Variants in GRK2 observed in about 807,000 individuals in gnomAD.
The protein encoded by GRK2 is G protein-coupled receptor kinase 2.
GRK2 carries 23 observed loss-of-function variants against 97.8 expected under a neutral mutation model. That is an observed-to-expected ratio of 0.24 (90% CI 0.17 to 0.33). The LOEUF (loss-of-function observed/expected upper bound fraction) is 0.33. GRK2 is among the 10% of genes least tolerant of loss of function. The probability of loss-of-function intolerance (pLI) is 1.00; values close to 1 mark genes in which losing one functional copy is unlikely to be tolerated. For synonymous variants in GRK2, 425 were observed against 381.7 expected (o/e 1.11, Z -1.32); for missense variants, 633 against 956.9 (o/e 0.66, Z 4.47).
chr11:67,281,007 G>C lies in GRK2; in HGVS notation c.556-86G>C. Reference sequence around the variant, plus strand: ...GACATGGGTATGGGGACCCTGGCATGGGGCCAGCCCCTGCTGCCCAGGTGC... The same window carrying C: ...GACATGGGTATGGGGACCCTGGCATCGGGCCAGCCCCTGCTGCCCAGGTGC... On this transcript the variant is annotated intron_variant, in intron 7 of 20. Coordinates refer to ENST00000308595, the MANE Select transcript of GRK2 (RefSeq NM_001619.5). This position sits in a 1 kb window ranked among gnomAD's most constrained non-coding sequence, Gnocchi z 5.7. The C allele has an allele frequency of 7.8e-7, 1 of 1,281,944 alleles. No homozygotes were observed. Among genetic ancestry groups the C allele is most frequent in the Admixed American group, 2.0e-5 (1 of 50,434 alleles). The allele number at this position is 1,281,944 out of a possible 1,614,324, so 79.4% of individuals were successfully genotyped here.
Position 67,286,172 on chromosome 11 carries a change from G to T in GRK2, c.*722G>T, listed in dbSNP as rs376630250. On this transcript the variant is annotated 3_prime_UTR_variant, in exon 21 of 21. Transcript: ENST00000308595. ...CTGCAGGTTGGGCCATACTGGCCTC[G>T]CCTGGCCTGAGGTCTCGCTGATGCT... 1.1e-5 allele frequency: 6 copies of T among 526,152 alleles called. No homozygotes were observed. Among genetic ancestry groups the T allele is most frequent in the Admixed American group, 3.8e-5 (1 of 26,374 alleles). 32.6% of individuals were successfully genotyped at this position (526,152 alleles called of 1,614,324 possible).
In GRK2 at chr11:67,280,829, T is replaced by C. The variant is rs965926781; in HGVS notation, c.555+46T>C. The stretch of plus-strand genomic sequence containing the variant: ...CATGGAAAGCCACGCACCCTGCTGC[T>C]CCTCTCCCGGGAGCTGGGCCTGTGG... On this transcript the variant is annotated intron_variant, in intron 7 of 20. Transcript: ENST00000308595. 6 of 1,605,672 alleles carry C rather than the reference T, an allele frequency of 3.7e-6. No individual in the cohort carries two copies. The African/African-American group carries it at 8.0e-5, about 21-fold the overall frequency.
At chr11:67,284,118 C>T (rs1590855653) in intron 17 of GRK2, 93 bp from the exon 18 acceptor site, 1 of 1,538,544 alleles carries the variant, frequency 6.5e-7, no homozygotes, top group East Asian at 2.3e-5. Flanking sequence ...CTGACCATCC[C>T]TACCCAGGGC....
At position 67,281,957 on chromosome 11, in the gene GRK2, G is replaced by A; in HGVS notation, c.957+5G>A. ...GTGGTCTACCGGGACCTGAAGGTGAGCGCCCCTGCTGTCCCCAGGCTGGAC... is the reference window on the plus strand; with the variant it reads ...GTGGTCTACCGGGACCTGAAGGTGAACGCCCCTGCTGTCCCCAGGCTGGAC... On this transcript the variant is annotated splice_donor_5th_base_variant and intron_variant, in intron 11 of 20. Transcript: ENST00000308595. The surrounding 1 kb of genome is among the most constrained non-coding windows in gnomAD (Gnocchi z 5.7). 1.9e-6 allele frequency: 3 copies of A among 1,613,234 alleles called. No homozygotes were observed. The highest frequency in any genetic ancestry group is 2.2e-5 in the East Asian group (1 of 44,870).
At position 67,282,856 on chromosome 11, in the gene GRK2, G is replaced by T; in HGVS notation, c.1227+38G>T. 1.3e-6 allele frequency: 2 copies of T among 1,583,952 alleles called. No homozygotes were observed. Among genetic ancestry groups the T allele is most frequent in the Non-Finnish European group, 1.7e-6 (2 of 1,167,524 alleles). On this transcript the variant is annotated intron_variant, in intron 14 of 20. Transcript: ENST00000308595. The surrounding 1 kb of genome is among the most constrained non-coding windows in gnomAD (Gnocchi z 6.9). The stretch of plus-strand genomic sequence containing the variant: ...CTCAGTGCAGGGCCGCAGGGGGCTG[G>T]GGGGAGCTCCTGTGGGTGCCAGGCC...
Position 67,279,657 on chromosome 11 carries a change from A to C in GRK2, c.398A>C (p.Gln133Pro). 1 of 1,613,538 alleles carries C rather than the reference A, an allele frequency of 6.2e-7. No homozygotes were observed. Among genetic ancestry groups the C allele is most frequent in the Non-Finnish European group, 8.5e-7 (1 of 1,179,994 alleles). ...TCGAAGAGTGCCACTGAGCATGTCCAAGGCCACCTGGGGAAGAAGCAGGTG... is the reference window on the plus strand; with the variant it reads ...TCGAAGAGTGCCACTGAGCATGTCCCAGGCCACCTGGGGAAGAAGCAGGTG... ...PFSKSATEHV[Q>P]GHLGKKQVPP... The change falls in exon 5 of 21, where the codon CAA becomes CCA. Residue 133 changes from glutamine to proline, a missense_variant. Transcript: ENST00000308595.
chr11:67,267,273 T>G (rs79069294), intron 1 of GRK2, among the ~76,000 whole-genome samples: 4,526 of 152,334 alleles, frequency 0.03, 93 homozygotes, highest in African/African-American at 0.063. Flanking sequence ...ACCCTTTTGC[T>G]GTCCCTGCTC....
intron 2 of GRK2, among the ~76,000 whole-genome samples, chr11:67,278,306 C>G (rs1363286621): frequency 6.6e-6 from 1 of 152,208 alleles, no homozygotes; most frequent in Non-Finnish European, 1.5e-5. Context: ...CCTGGTTACC[C>G]GTGTCAGACT....
chr11:67,284,840 G>T lies in GRK2; in HGVS notation c.1655-7G>T, dbSNP rs780805559. On this transcript the variant is annotated splice_region_variant and splice_polypyrimidine_tract_variant and intron_variant, in intron 18 of 20. Transcript: ENST00000308595. ...GCCGGCTGAGTCTCCTCTGTCTCTC[G>T]CCTCAGACTACGCCCTGGGCAAGGA... The T allele has an allele frequency of 1.2e-6, 2 of 1,611,634 alleles. No individual in the cohort carries two copies. Among genetic ancestry groups the T allele is most frequent in the Non-Finnish European group, 1.7e-6 (2 of 1,179,656 alleles).
Position 67,266,602 on chromosome 11 carries a change from G to A in GRK2, c.-98G>A, listed in dbSNP as rs1223818319. 2 of 373,598 alleles carry A rather than the reference G, an allele frequency of 5.4e-6. No individual in the cohort carries two copies. Among genetic ancestry groups the A allele is most frequent in the Non-Finnish European group, 7.2e-6 (2 of 275,972 alleles). 23.1% of individuals were successfully genotyped at this position (373,598 alleles called of 1,614,324 possible). On this transcript the variant is annotated 5_prime_UTR_variant, in exon 1 of 21. Coordinates refer to ENST00000308595, the MANE Select transcript of GRK2 (RefSeq NM_001619.5). ...GGCCAGGCGGGAGGCGTCGGCGCCC[G>A]AGGCCGAGCGAGCCGCGGCCGGGCC...
At chr11:67,267,978 A>G (rs1421450637) in intron 1 of GRK2, among the ~76,000 whole-genome samples, 2 of 152,220 alleles carry the variant, frequency 1.3e-5, no homozygotes, top group African/African-American at 4.8e-5. Flanking sequence ...CGTGCCCGCC[A>G]CGATTCTTTG....
chr11:67,276,965 A>G lies in GRK2; in HGVS notation c.114-307A>G. The G allele has an allele frequency of 3.7e-6, 1 of 267,522 alleles. No homozygotes were observed. The highest frequency in any genetic ancestry group is 7.2e-6 in the Non-Finnish European group (1 of 139,406). The allele number at this position is 267,522 out of a possible 1,614,324, so 16.6% of individuals were successfully genotyped here. On this transcript the variant is annotated intron_variant, in intron 1 of 20. Coordinates refer to ENST00000308595, the MANE Select transcript of GRK2 (RefSeq NM_001619.5). This position sits in a 1 kb window ranked among gnomAD's most constrained non-coding sequence, Gnocchi z 4.2. ...AGGCTTGGCTTTTGTGACTTGGCCA[A>G]GTTCCCAAAGCCAGCCGGTGGCATC...
intron 2 of GRK2, among the ~76,000 whole-genome samples, chr11:67,277,952 G>A (rs1391183403): frequency 1.3e-5 from 2 of 152,246 alleles, no homozygotes; most frequent in Non-Finnish European, 2.9e-5. Flanking sequence ...TGGACAGGGG[G>A]TATCCTGGCC....
Position 67,283,141 on chromosome 11 carries a change from C to G in GRK2, c.1241C>G (p.Pro414Arg). The part of the protein sequence containing the change: ...RMTLTMAVEL[P>R]DSFSPELRSL... ...TCCTCTCTAAAGGCCGTGGAGCTGC[C>G]CGACTCCTTCTCCCCTGAACTACGC... The change falls in exon 15 of 21, where the codon CCC becomes CGC. Residue 414 changes from proline to arginine, a missense_variant. Physicochemically the swap from Pro to Arg is moderately radical, Grantham distance 103 (BLOSUM62 -2). Transcript: ENST00000308595. 2 of 1,613,940 alleles carry G rather than the reference C, an allele frequency of 1.2e-6. No homozygotes were observed. The highest frequency in any genetic ancestry group is 1.7e-6 in the Non-Finnish European group (2 of 1,179,956).
At position 67,285,849 on chromosome 11, in the gene GRK2, T is replaced by C. The variant is rs1860268697; in HGVS notation, c.*399T>C. 2 of 232,466 alleles carry C rather than the reference T, an allele frequency of 8.6e-6. No homozygotes were observed. The highest frequency in any genetic ancestry group is 1.6e-4 in the South Asian group (2 of 12,492). 14.4% of individuals were successfully genotyped at this position (232,466 alleles called of 1,614,324 possible). On this transcript the variant is annotated 3_prime_UTR_variant, in exon 21 of 21. Transcript: ENST00000308595. ...ACAGCACAGGGATCCGACTTGAATT[T>C]TCCCACTGCACCCCCTCCTGCTGCA...
Position 67,282,197 on chromosome 11 carries a change from G to T in GRK2, c.958-74G>T. 6.9e-7 allele frequency: 1 copy of T among 1,452,678 alleles called. No homozygotes were observed. The highest frequency in any genetic ancestry group is 1.2e-5 in the South Asian group (1 of 85,492). The allele number at this position is 1,452,678 out of a possible 1,614,324, so 90.0% of individuals were successfully genotyped here. On this transcript the variant is annotated intron_variant, in intron 11 of 20. Coordinates refer to ENST00000308595, the MANE Select transcript of GRK2 (RefSeq NM_001619.5). This position sits in a 1 kb window ranked among gnomAD's most constrained non-coding sequence, Gnocchi z 6.9. ...CCATCGTCCTCTCCAGTGAAGCAGT[G>T]ACCCAGCTGGCATCTTGCCTGGCTG... is the stretch of plus-strand genomic sequence containing the variant.
chr11:67,279,910 G>C lies in GRK2; in HGVS notation c.503+10G>C, dbSNP rs1369415871. 3 of 1,613,600 alleles carry C rather than the reference G, an allele frequency of 1.9e-6. No individual in the cohort carries two copies. The highest frequency in any genetic ancestry group is 1.1e-5 in the South Asian group (1 of 91,068). On this transcript the variant is annotated intron_variant, in intron 6 of 20. Transcript: ENST00000308595. ...AGAAATTCATTGAGAGGTGAGAGCAGGGAAGTGTGGGAGAGGAAGGGGGAG... is the reference window on the plus strand; with the variant it reads ...AGAAATTCATTGAGAGGTGAGAGCACGGAAGTGTGGGAGAGGAAGGGGGAG...
Position 67,281,357 on chromosome 11 carries a change from A to G in GRK2, c.648-102A>G. On this transcript the variant is annotated intron_variant, in intron 8 of 20. Coordinates refer to ENST00000308595, the MANE Select transcript of GRK2 (RefSeq NM_001619.5). The surrounding 1 kb of genome is among the most constrained non-coding windows in gnomAD (Gnocchi z 5.7). ...GCCCTCCCTGTCTCTGATTTGTGTC[A>G]CACGCTGGTCCTGGGTCTAGTCTTT... The G allele has an allele frequency of 6.7e-6, 8 of 1,202,374 alleles. No individual in the cohort carries two copies. The highest frequency in any genetic ancestry group is 9.7e-6 in the Non-Finnish European group (8 of 828,336). 74.5% of individuals were successfully genotyped at this position (1,202,374 alleles called of 1,614,324 possible). A position where few individuals can be genotyped will look rare whatever the true frequency, so the allele number is the denominator to read the frequency against.
Position 67,266,774 on chromosome 11 carries a change from C to A in GRK2, c.75C>A (p.Ala25=). The A allele has an allele frequency of 7.3e-7, 1 of 1,367,094 alleles. No individual in the cohort carries two copies. Among genetic ancestry groups the A allele is most frequent in the Admixed American group, 2.6e-5 (1 of 38,644 alleles). 84.7% of individuals were successfully genotyped at this position (1,367,094 alleles called of 1,614,324 possible). The part of the protein sequence containing the change: ...MAMEKSKATP[A]ARASKKILLP... Reference sequence around the variant, plus strand: ...TGGAGAAGAGCAAGGCCACGCCGGCCGCGCGCGCCAGCAAGAAGATCCTGC... The same window carrying A: ...TGGAGAAGAGCAAGGCCACGCCGGCAGCGCGCGCCAGCAAGAAGATCCTGC... The change falls in exon 1 of 21, where the codon GCC becomes GCA. Residue 25 remains alanine, a synonymous_variant. Coordinates refer to ENST00000308595, the MANE Select transcript of GRK2 (RefSeq NM_001619.5).
Sources: gnomAD v4.1 joint callset for allele counts (sites outside exome capture counted in the v4.1 genomes callset) on GRCh38, gnomAD v4.1.1 for gene constraint, Gnocchi (gnomAD v3.1) non-coding constraint, MANE v1.5 for transcripts, NCBI Gene and HGNC (gene_info 2026-07-23, HGNC 2026-07-21) for gene names.